TAF9B: variants seen among roughly 807,000 people sequenced by gnomAD.
The protein encoded by TAF9B is transcription initiation factor TFIID subunit 9B.
In TAF9B, 47 loss-of-function variants were observed where a neutral mutation model predicts 17.6. The observed-to-expected ratio is 2.68, with a 90% CI of 2.12 to 3.41. The LOEUF is 3.41. TAF9B is among the 30% of genes most tolerant of loss of function. The pLI is 0.00. For missense variants in TAF9B, 218 were observed against 189.3 expected (o/e 1.15, Z -0.89); for synonymous variants, 84 against 68.7 (o/e 1.22, Z -1.10).
rs782672276 is a variant in TAF9B, at chrX:78,136,966, G to A, written c.430C>T (p.Pro144Ser). The A allele has an allele frequency of 2.5e-6, 3 of 1,203,356 alleles. No homozygotes were observed. In the African/African-American group the frequency reaches 5.3e-5, roughly 21 times the overall value. Residue 144 changes from proline to serine, a missense_variant, in exon 5 of 7, where the codon CCA becomes TCA. Coordinates refer to ENST00000341864, the MANE Select transcript of TAF9B (RefSeq NM_015975.5). ...KKGPNQGRLV[P>S]RLSVGAVSSK... Reference sequence around the variant, plus strand: ...CTAACAGCACCAACACTTAATCGTGGAACTAGTCTCCCTTGGTTAGGTCCC... The same window carrying A: ...CTAACAGCACCAACACTTAATCGTGAAACTAGTCTCCCTTGGTTAGGTCCC...
intron 2 of TAF9B, 126 bp from the exon 3 acceptor site, chrX:78,138,224 C>G (rs1470683181): frequency 1.3e-6 from 1 of 760,132 alleles, no homozygotes; most frequent in Non-Finnish European, 1.9e-6. Context: ...TTTGTAGAGA[C>G]AGGGTCTCGC....
chrX:78,135,599 C>A (rs1460131027), intron 5 of TAF9B, among the ~76,000 whole-genome samples: 1 of 109,167 alleles, frequency 9.2e-6, no homozygotes, highest in African/African-American at 3.3e-5. Flanking sequence ...GAGTCTGTCT[C>A]AAAAAATAAA....
At position 78,133,445 on chromosome X, in the gene TAF9B, G is replaced by A; in HGVS notation, c.485C>T (p.Thr162Ile). ...ATTTGGGACAGACACCGTTTGTGGG[G>A]TTGCTGTAGTTACAATAAACAGACC... ...SSKPTTPTIATPQTVSVPNKV... is the reference protein window; with the variant it reads ...SSKPTTPTIAIPQTVSVPNKV... Residue 162 changes from threonine (T) to isoleucine (I), a missense_variant, in exon 6 of 7, where the codon ACC (threonine) becomes ATC (isoleucine). By Grantham distance (89) the Thr-to-Ile change is moderately conservative. Transcript: ENST00000341864. The A allele has an allele frequency of 8.4e-7, 1 of 1,192,412 alleles. No homozygotes were observed.
At chrX:78,139,160 G>A (rs2149142706) in intron 1 of TAF9B, among the ~76,000 whole-genome samples, 1 of 111,644 alleles carries the variant, frequency 9.0e-6, no homozygotes, top group East Asian at 2.8e-4. Context: ...GGGGCAAAGA[G>A]AAGACAGAAT....
At position 78,138,000 on chromosome X, in the gene TAF9B, G is replaced by A. The variant is rs2078441080; in HGVS notation, c.232C>T (p.Arg78Cys). 5.0e-6 allele frequency: 6 copies of A among 1,210,080 alleles called. No homozygotes were observed. The highest frequency in any genetic ancestry group is 3.5e-5 in the African/African-American group (2 of 57,775). Residue 78 changes from arginine to cysteine, a missense_variant, in exon 3 of 7, where the codon CGT becomes TGT. By Grantham distance (180) the Arg-to-Cys change is radical (BLOSUM62 -3). Transcript: ENST00000341864. ...ADDVRLAIQC[R>C]ADQSFTSPPP... The stretch of plus-strand genomic sequence containing the variant: ...GGAGAGGTAAAAGATTGGTCAGCAC[G>A]ACACTGGATTGCCAGTCTCACATCA...
chrX:78,131,197 T>TAAAAA lies in TAF9B; in HGVS notation c.*412_*413insTTTTT, dbSNP rs782507510. 3.1e-3 allele frequency: 334 copies of TAAAAA among 107,549 alleles called. 1 individual carries two copies. The highest frequency in any genetic ancestry group is 4.8e-3 in the Middle Eastern group (1 of 209). The allele number at this position is 107,549 out of a possible 1,213,427, so 8.9% of individuals were successfully genotyped here. On this transcript the variant is annotated 3_prime_UTR_variant, in exon 7 of 7. Transcript: ENST00000341864. Reference sequence around the variant, plus strand: ...AGAGATTTGGTAAAAAAAAAAAAATTAGCTAGTGACAGTAAGTAACTATAT... The same window carrying TAAAAA: ...AGAGATTTGGTAAAAAAAAAAAAATTAAAAAAGCTAGTGACAGTAAGTAACTATAT...
At position 78,131,721 on chromosome X, in the gene TAF9B, C is replaced by T. The variant is rs1302535920; in HGVS notation, c.645G>A (p.Gly215=). Residue 215 remains glycine, a synonymous_variant, in exon 7 of 7, where the codon GGG becomes GGA. Coordinates refer to ENST00000341864, the MANE Select transcript of TAF9B (RefSeq NM_015975.5). ...QNVLINPSMI[G]PKNILITTNM... is the part of the protein sequence containing the mutation. ...TGGTGGTAATAAGAATATTTTTGGG[C>T]CCAATCATTGAAGGATTAATCAGAA... 1 of 1,209,876 alleles carries T rather than the reference C, an allele frequency of 8.3e-7. No individual in the cohort carries two copies.
Position 78,139,615 on chromosome X carries a change from AT to A in TAF9B, c.-5del, listed in dbSNP as rs1557250552. 1.7e-6 allele frequency: 2 copies of A among 1,211,392 alleles called. No homozygotes were observed. Among genetic ancestry groups the A allele is most frequent in the Admixed American group, 4.3e-5 (2 of 46,089 alleles). ...GCGCCATCTTGCCCGACTCCATGTT[AT>A]CCAGCCACTCGTCATCCGCGGAGAC... is the stretch of plus-strand genomic sequence containing the variant. On this transcript the variant is annotated 5_prime_UTR_variant, in exon 1 of 7. The change creates a premature stop within an existing upstream ORF in the 5' untranslated region. Transcript: ENST00000341864.
At position 78,131,504 on chromosome X, in the gene TAF9B, C is replaced by A; in HGVS notation, c.*106G>T. On this transcript the variant is annotated 3_prime_UTR_variant, in exon 7 of 7. Coordinates refer to ENST00000341864, the MANE Select transcript of TAF9B (RefSeq NM_015975.5). ...TAACTGACGAAAAATACTGCAGCTA[C>A]ATTTCAGTCTTTTAAGGTAAAACAA... 1 of 691,534 alleles carries A rather than the reference C, an allele frequency of 1.4e-6. No individual in the cohort carries two copies. The highest frequency in any genetic ancestry group is 2.1e-6 in the Non-Finnish European group (1 of 470,935). 57.0% of individuals were successfully genotyped at this position (691,534 alleles called of 1,213,427 possible).
At chrX:78,137,917 T>G in intron 3 of TAF9B, 34 bp from the exon 4 acceptor site, 1 of 1,197,799 alleles carries the variant, frequency 8.3e-7, no homozygotes, top group African/African-American at 1.8e-5. Context: ...AACTACAGTT[T>G]TAAAAATTGT....
chrX:78,130,848 G>A lies in TAF9B; in HGVS notation c.*762C>T, dbSNP rs1557249353. The A allele has an allele frequency of 8.0e-5, 9 of 112,235 alleles. No homozygotes were observed. The highest frequency in any genetic ancestry group is 3.8e-5 in the Non-Finnish European group (2 of 53,268). 9.2% of individuals were successfully genotyped at this position (112,235 alleles called of 1,213,427 possible). A position where few individuals can be genotyped will look rare whatever the true frequency, so the allele number is the denominator to read the frequency against. On this transcript the variant is annotated 3_prime_UTR_variant, in exon 7 of 7. Transcript: ENST00000341864. Reference sequence around the variant, plus strand: ...CTAAGGGGTAAAACCCAACTGCTCTGACATAAGAGTGAAAAACAGCAAATG... The same window carrying A: ...CTAAGGGGTAAAACCCAACTGCTCTAACATAAGAGTGAAAAACAGCAAATG...
At chrX:78,133,315 T>C in intron 6 of TAF9B, 23 bp downstream of exon 6, 1 of 1,111,891 alleles carries the variant, frequency 9.0e-7, no homozygotes, top group Non-Finnish European at 1.2e-6. Flanking sequence ...ACAAATTCTG[T>C]CCCCCACTCC....
intron 5 of TAF9B, among the ~76,000 whole-genome samples, chrX:78,136,693 C>T (rs1481095163): frequency 2.7e-5 from 3 of 111,941 alleles, no homozygotes; most frequent in Non-Finnish European, 5.6e-5. Flanking sequence ...GGGGCAATGT[C>T]CAATTTTATA....
At chrX:78,138,177 C>T in intron 2 of TAF9B, 79 bp from the exon 3 acceptor site, 1 of 1,028,379 alleles carries the variant, frequency 9.7e-7, no homozygotes, top group Non-Finnish European at 1.3e-6. Flanking sequence ...ATAAAACTTT[C>T]CACTAATTTG....
In TAF9B at chrX:78,131,723, C is replaced by T. The variant is rs782176254; in HGVS notation, c.643G>A (p.Gly215Arg). The T allele has an allele frequency of 4.1e-6, 5 of 1,208,344 alleles. No homozygotes were observed. In the East Asian group the frequency reaches 1.5e-4, roughly 36 times the overall value. ...GTGGTAATAAGAATATTTTTGGGCC[C>T]AATCATTGAAGGATTAATCAGAACA... ...QNVLINPSMI[G>R]PKNILITTNM... is the part of the protein sequence containing the mutation. Residue 215 changes from glycine (G) to arginine (R), a missense_variant, in exon 7 of 7, where the codon GGG becomes AGG. Transcript: ENST00000341864.
rs1315541795 is a variant in TAF9B at position 78,138,801 on chromosome X, A to C, written c.133+42T>G. ...TTCTTACAATAAAAATATCTTTTCA[A>C]GTTCACAAGTTAGGCAAGTTTTTGG... On this transcript the variant is annotated intron_variant, in intron 2 of 6. Coordinates refer to ENST00000341864, the MANE Select transcript of TAF9B (RefSeq NM_015975.5). 6.3e-6 allele frequency: 6 copies of C among 947,132 alleles called. No homozygotes were observed. In the Admixed American group the frequency reaches 1.4e-4, roughly 22 times the overall value. 78.1% of individuals were successfully genotyped at this position (947,132 alleles called of 1,213,427 possible). A position where few individuals can be genotyped will look rare whatever the true frequency, so the allele number is the denominator to read the frequency against.
chrX:78,133,010 GTTAA>G (rs369674013), intron 6 of TAF9B, among the ~76,000 whole-genome samples: 73 of 111,704 alleles, frequency 6.5e-4, no homozygotes, highest in South Asian at 1.9e-3. Context: ...TGTTGTAATT[GTTAA>G]TTAATTATTG....
At chrX:78,139,249 AC>A in intron 1 of TAF9B, among the ~76,000 whole-genome samples, 1 of 111,199 alleles carries the variant, frequency 9.0e-6, no homozygotes, top group East Asian at 2.8e-4. Flanking sequence ...TAGCATCAGA[AC>A]CCTGGACGCG....
Position 78,138,913 on chromosome X carries a change from C to A in TAF9B, c.63G>T (p.Gln21His). ...CTGTGATTCCCATATCCTTCAGGAT[C>A]TGTGCCATCACCTGTGGATTCAAAT... ...NAPRDALVMA[Q>H]ILKDMGITEY... Residue 21 changes from glutamine (Q) to histidine (H), a missense_variant, in exon 2 of 7, where the codon CAG becomes CAT. Coordinates refer to ENST00000341864, the MANE Select transcript of TAF9B (RefSeq NM_015975.5). The A allele has an allele frequency of 2.5e-6, 3 of 1,200,567 alleles. No individual in the cohort carries two copies. Among genetic ancestry groups the A allele is most frequent in the East Asian group, 3.0e-5 (1 of 33,766 alleles).
Sources: allele counts gnomAD v4.1 joint callset (sites outside exome capture counted in the v4.1 genomes callset), GRCh38; gene constraint gnomAD v4.1.1; transcripts MANE v1.5; gene names NCBI Gene and HGNC (gene_info 2026-07-23, HGNC 2026-07-21).